EYS: variants seen among roughly 807,000 people sequenced by gnomAD.
EYS encodes EGF-like photoreceptor maintenance factor, also known as protein eyes shut homolog.
EYS carries 250 observed loss-of-function variants against 282.1 expected under a neutral mutation model. The ratio of observed to expected loss-of-function variants is 0.89; its 90% CI spans 0.80 to 0.98. The LOEUF is 0.98. Ranked by LOEUF, EYS falls within the 50% of genes least tolerant of loss-of-function variation. EYS has a pLI of 0.00. For synonymous variants in EYS, 1,355 were observed against 1,282.9 expected (o/e 1.06, Z -1.20); for missense variants, 4,016 against 3,709.0 (o/e 1.08, Z -2.15).
At chr6:65,629,837 C>A (rs1381717510) in intron 2 of EYS, among the ~76,000 whole-genome samples, 1 of 152,086 alleles carries the variant, frequency 6.6e-6, no homozygotes. Flanking sequence ...ACTAAGTCAT[C>A]CACCTCTCTG....
intron 19 of EYS, among the ~76,000 whole-genome samples, chr6:64,826,467 C>T (rs1765058923): frequency 6.6e-6 from 1 of 151,390 alleles, no homozygotes; most frequent in African/African-American, 2.4e-5. Context: ...AGTTTTTTTC[C>T]TATGATCCCA....
chr6:63,720,840 A>T lies in EYS; in HGVS notation c.9191T>A (p.Leu3064Gln). ...TGGATCAATATCCTCGGAAAGAATT[A>T]GACTGTTATTTATGTAGGCCTTGAT... is the stretch of plus-strand genomic sequence containing the variant. ...TLIKAYINNS[L>Q]ILSEDIDPHK... The change falls in exon 43 of 43, where the codon CTA becomes CAA. Residue 3064 changes from leucine (L) to glutamine (Q), a missense_variant. Transcript: ENST00000503581. The T allele has an allele frequency of 6.4e-7, 1 of 1,551,266 alleles. No homozygotes were observed. The highest frequency in any genetic ancestry group is 8.7e-7 in the Non-Finnish European group (1 of 1,146,684).
chr6:64,069,718 T>C (rs1375667985), intron 32 of EYS, among the ~76,000 whole-genome samples: 1 of 152,160 alleles, frequency 6.6e-6, no homozygotes, highest in Middle Eastern at 3.4e-3. Context: ...AAATGAGTGG[T>C]TCTCAAACTC....
chr6:65,332,912 T>A (rs1415961817), intron 11 of EYS, among the ~76,000 whole-genome samples: 2 of 151,480 alleles, frequency 1.3e-5, no homozygotes, highest in African/African-American at 4.8e-5. Context: ...TTTTTTTAAT[T>A]TACAGTTGTT....
At chr6:65,030,947 A>T (rs942535288) in intron 13 of EYS, among the ~76,000 whole-genome samples, 2 of 152,112 alleles carry the variant, frequency 1.3e-5, no homozygotes, top group East Asian at 3.9e-4. Context: ...AACTAAAGAG[A>T]TGGAGAAAAT....
chr6:65,487,453 T>C (rs1424626967), intron 5 of EYS, among the ~76,000 whole-genome samples: 1 of 152,196 alleles, frequency 6.6e-6, no homozygotes, highest in African/African-American at 2.4e-5. Context: ...TGTTGTTGGT[T>C]CTGTTTATGC....
At chr6:63,881,129 C>G (rs1017151074) in intron 35 of EYS, among the ~76,000 whole-genome samples, 4 of 152,112 alleles carry the variant, frequency 2.6e-5, no homozygotes, top group Non-Finnish European at 5.9e-5. Context: ...TTTATTTCCC[C>G]TCAATTGCTC....
At chr6:64,404,130 A>G (rs1157105263) in intron 28 of EYS, among the ~76,000 whole-genome samples, 1 of 152,168 alleles carries the variant, frequency 6.6e-6, no homozygotes, top group Non-Finnish European at 1.5e-5. Context: ...ATAAAGCTCA[A>G]TATTATAGTT....
Position 64,591,926 on chromosome 6 carries a change from C to A in EYS, c.3941G>T (p.Arg1314Ile). The A allele has an allele frequency of 6.5e-7, 1 of 1,541,236 alleles. No homozygotes were observed. Among genetic ancestry groups the A allele is most frequent in the Non-Finnish European group, 8.8e-7 (1 of 1,140,370 alleles). Residue 1314 changes from arginine (R) to isoleucine (I), a missense_variant, in exon 26 of 43, where the codon AGA becomes ATA. Physicochemically the swap from Arg to Ile is moderately conservative, Grantham distance 97 (BLOSUM62 -3). Transcript: ENST00000503581. ...ILPTTGLATLRISTPLESYLL... is the reference protein window; with the variant it reads ...ILPTTGLATLIISTPLESYLL... The stretch of plus-strand genomic sequence containing the variant: ...GTAGCTTTCCAAGGGTGTGCTAATT[C>A]TTAATGTTGCCAAACCAGTGGTTGG...
intron 31 of EYS, among the ~76,000 whole-genome samples, chr6:64,162,272 G>C (rs75832316): frequency 6.6e-6 from 1 of 152,072 alleles, no homozygotes; most frequent in Non-Finnish European, 1.5e-5. Context: ...TATTTCTGTG[G>C]TTATTTGATT....
intron 7 of EYS, among the ~76,000 whole-genome samples, chr6:65,390,354 C>A: frequency 6.8e-6 from 1 of 147,960 alleles, no homozygotes; most frequent in South Asian, 2.1e-4. Flanking sequence ...GAAAAGGAGC[C>A]AGGGAGAGGG....
chr6:64,943,735 G>A (rs1000506759), intron 15 of EYS, among the ~76,000 whole-genome samples: 9 of 151,966 alleles, frequency 5.9e-5, no homozygotes, highest in Admixed American at 1.3e-4. Flanking sequence ...AAAATACCCC[G>A]TGTTCATGGC....
intron 15 of EYS, among the ~76,000 whole-genome samples, chr6:64,936,586 A>C (rs1768913180): frequency 6.6e-6 from 1 of 151,542 alleles, no homozygotes. Flanking sequence ...GATGTTGAAA[A>C]ATACATCATC....
At chr6:64,449,775 G>C in intron 26 of EYS, among the ~76,000 whole-genome samples, 1 of 152,226 alleles carries the variant, frequency 6.6e-6, no homozygotes, top group African/African-American at 2.4e-5. Context: ...AAGTGAAGGA[G>C]AAATAAAATA....
intron 22 of EYS, among the ~76,000 whole-genome samples, chr6:64,732,300 A>G (rs1170074132): frequency 6.6e-6 from 1 of 150,428 alleles, no homozygotes; most frequent in Non-Finnish European, 1.5e-5. Context: ...CCCAGAACTT[A>G]AAGTATTAAA....
At chr6:64,255,993 T>A (rs1205543238) in intron 30 of EYS, among the ~76,000 whole-genome samples, 2 of 152,084 alleles carry the variant, frequency 1.3e-5, no homozygotes, top group Non-Finnish European at 2.9e-5. Flanking sequence ...CATGTGCGAC[T>A]GTAAGAGCTA....
intron 22 of EYS, among the ~76,000 whole-genome samples, chr6:64,771,120 T>C (rs1773511107): frequency 6.6e-6 from 1 of 151,722 alleles, no homozygotes; most frequent in Non-Finnish European, 1.5e-5. Context: ...TTAACAACTA[T>C]TCAAATTCTT....
intron 12 of EYS, among the ~76,000 whole-genome samples, chr6:65,138,980 T>G (rs1269279734): frequency 6.6e-6 from 1 of 152,148 alleles, no homozygotes; most frequent in East Asian, 1.9e-4. Context: ...TATGCACTGC[T>G]AGTGGGAATG....
chr6:63,724,493 CGTT>C (rs1469385841), intron 42 of EYS, among the ~76,000 whole-genome samples: 2 of 151,978 alleles, frequency 1.3e-5, no homozygotes, highest in African/African-American at 4.8e-5. Context: ...TTTTTATACA[CGTT>C]GGGAGGATTA....
Sources: allele counts gnomAD v4.1 joint callset (sites outside exome capture counted in the v4.1 genomes callset), GRCh38; gene constraint gnomAD v4.1.1; transcripts MANE v1.5; gene names NCBI Gene and HGNC (gene_info 2026-07-23, HGNC 2026-07-21).